The following TF variants were observed in gnomAD, a reference collection of about 807,000 sequenced individuals.
The protein encoded by TF is transferrin.
A neutral mutation model predicts 82.4 loss-of-function variants in TF; 55 were observed. That is an observed-to-expected ratio of 0.67 (90% CI 0.54 to 0.84). The LOEUF (loss-of-function observed/expected upper bound fraction) is 0.84. TF is among the 40% of genes least tolerant of loss of function. The pLI is 0.00. For synonymous variants in TF, 332 were observed against 332.6 expected (o/e 1.00, Z 0.02); for missense variants, 737 against 868.4 (o/e 0.85, Z 1.90).
the TF span, among the ~76,000 whole-genome samples, chr3:133,706,914 C>T: frequency 1.3e-5 from 2 of 152,226 alleles, no homozygotes; most frequent in South Asian, 4.1e-4. Flanking sequence ...TCCCTCTCTG[C>T]TGTCATGTCT....
At position 133,788,424 on chromosome 3, in the gene TF, C is replaced by T. The variant is rs899703002; in HGVS notation, c.*9804C>T. On this transcript the variant is annotated 3_prime_UTR_variant, in exon 17 of 17. Transcript: ENST00000402696. ...TCTTGAGCCCCTAAGCACAGGCCTT[C>T]TCCCACCCTGTGGAGCGTACTTTCA... 5 of 152,240 alleles carry T rather than the reference C, an allele frequency of 3.3e-5. No individual in the cohort carries two copies. Among genetic ancestry groups the T allele is most frequent in the Non-Finnish European group, 7.3e-5 (5 of 68,048 alleles). 9.4% of individuals were successfully genotyped at this position (152,240 alleles called of 1,614,324 possible). A position where few individuals can be genotyped will look rare whatever the true frequency, so the allele number is the denominator to read the frequency against.
the TF span, among the ~76,000 whole-genome samples, chr3:133,696,205 G>T: frequency 6.6e-6 from 1 of 151,904 alleles, no homozygotes; most frequent in Non-Finnish European, 1.5e-5. Context: ...CAGGAGAATC[G>T]CTTAAGCCTC....
chr3:133,749,029 T>C (rs149528978), intron 2 of TF, among the ~76,000 whole-genome samples: 1,570 of 152,058 alleles, frequency 0.01, 30 homozygotes, highest in African/African-American at 0.035. Flanking sequence ...GGCATGGTGG[T>C]GCATGCCTGT....
intron 5 of TF, chr3:133,755,945 A>G: frequency 2.2e-6 from 1 of 456,884 alleles, no homozygotes; most frequent in South Asian, 2.7e-5. Context: ...TACCTTGATT[A>G]TATCCTAAAG....
intron 14 of TF, among the ~76,000 whole-genome samples, chr3:133,771,867 C>A (rs1033615579): frequency 1.3e-5 from 2 of 151,998 alleles, no homozygotes; most frequent in African/African-American, 4.8e-5. Context: ...ACTGAGCACT[C>A]CACACCTGAC....
At chr3:133,722,404 A>G in the TF span, among the ~76,000 whole-genome samples, 1 of 152,102 alleles carries the variant, frequency 6.6e-6, no homozygotes, top group Non-Finnish European at 1.5e-5. Flanking sequence ...ACCCATTTAC[A>G]TTCAAAGGCT....
At chr3:133,677,862 A>T in the TF span, among the ~76,000 whole-genome samples, 138 of 151,830 alleles carry the variant, frequency 9.1e-4, no homozygotes, top group Admixed American at 1.5e-3. Flanking sequence ...TTAAAAAAAA[A>T]ATTTTTTTAT....
chr3:133,730,550 T>C, the TF span, among the ~76,000 whole-genome samples: 1 of 152,160 alleles, frequency 6.6e-6, no homozygotes, highest in Admixed American at 6.5e-5. Context: ...TAGACCCTGG[T>C]CCAACAGGGG....
chr3:133,762,119 C>T (rs542117364), intron 9 of TF: 1 of 213,820 alleles, frequency 4.7e-6, no homozygotes, highest in Non-Finnish European at 1.0e-5. Flanking sequence ...TACAGATGAT[C>T]GATCATAAAA....
At chr3:133,774,168 C>T (rs1016180486) in intron 14 of TF, 1 of 151,958 alleles carries the variant, frequency 6.6e-6, no homozygotes, top group Non-Finnish European at 1.5e-5. Flanking sequence ...TAAGATTGTG[C>T]CTTGGAGAGG....
At chr3:133,726,348 C>T in the TF span, among the ~76,000 whole-genome samples, 1 of 152,134 alleles carries the variant, frequency 6.6e-6, no homozygotes, top group African/African-American at 2.4e-5. Context: ...TGTTATTGGT[C>T]TATTCAGAGA....
At chr3:133,759,443 C>T in intron 9 of TF, 114 bp downstream of exon 9, 2 of 1,357,080 alleles carry the variant, frequency 1.5e-6, no homozygotes, top group East Asian at 2.3e-5. Flanking sequence ...CTCCCAGGAA[C>T]CTTGCCCTGA....
rs967966214 is a variant in TF at position 133,757,773 on chromosome 3, A to G, written c.875A>G (p.His292Arg). 2 of 1,614,120 alleles carry G rather than the reference A, an allele frequency of 1.2e-6. No homozygotes were observed. Among genetic ancestry groups the G allele is most frequent in the African/African-American group, 1.3e-5 (1 of 75,044 alleles). ...IWELLNQAQE[H>R]FGKDKSKEFQ... ...ATTCTGTTTTTCTATGAACAGGAAC[A>G]TTTTGGCAAAGACAAATCAAAAGAA... The change falls in exon 8 of 17, where the codon CAT (histidine) becomes CGT (arginine). Residue 292 changes from histidine (H) to arginine (R), a missense_variant. Transcript: ENST00000402696.
the TF span, among the ~76,000 whole-genome samples, chr3:133,716,487 C>T: frequency 1.3e-5 from 2 of 152,162 alleles, no homozygotes; most frequent in Non-Finnish European, 2.9e-5. Context: ...CCCCATATCT[C>T]GTCCATCACC....
At chr3:133,729,629 G>T in the TF span, among the ~76,000 whole-genome samples, 434 of 152,254 alleles carry the variant, frequency 2.9e-3, no homozygotes, top group Non-Finnish European at 4.7e-3. Flanking sequence ...GCAATGCCTC[G>T]CCCTGTTTCG....
chr3:133,670,794 T>C, the TF span, among the ~76,000 whole-genome samples: 1 of 152,218 alleles, frequency 6.6e-6, no homozygotes, highest in African/African-American at 2.4e-5. Context: ...CCTATTTCCT[T>C]TCAAATGTAT....
At chr3:133,749,501 G>A (rs551220850) in intron 2 of TF, among the ~76,000 whole-genome samples, 2 of 152,164 alleles carry the variant, frequency 1.3e-5, no homozygotes, top group Non-Finnish European at 2.9e-5. Flanking sequence ...CCAAAATGTG[G>A]GGATGTACAA....
At chr3:133,753,806 T>G in intron 3 of TF, 103 bp downstream of exon 3, 1 of 939,816 alleles carries the variant, frequency 1.1e-6, no homozygotes, top group Non-Finnish European at 1.7e-6. Flanking sequence ...TAATGAACAT[T>G]CATCTTTGGA....
chr3:133,730,060 A>G, the TF span, among the ~76,000 whole-genome samples: 15 of 152,268 alleles, frequency 9.9e-5, no homozygotes, highest in African/African-American at 3.6e-4. Flanking sequence ...CTACATTGAT[A>G]TCAGCACATC....
Sources: gnomAD v4.1 joint callset for allele counts (sites outside exome capture counted in the v4.1 genomes callset) on GRCh38, gnomAD v4.1.1 for gene constraint, MANE v1.5 for transcripts, NCBI Gene and HGNC (gene_info 2026-07-23, HGNC 2026-07-21) for gene names.